The following GRIK1 variants were observed in gnomAD, a reference collection of about 807,000 sequenced individuals.
The protein encoded by GRIK1 is glutamate receptor ionotropic, kainate 1.
Under a neutral mutation model 105.7 loss-of-function variants are expected in GRIK1, and 69 were observed. That is an observed-to-expected ratio of 0.65 (90% CI 0.54 to 0.80). The LOEUF is 0.80. Ranked by LOEUF, GRIK1 falls within the 30% of genes least tolerant of loss-of-function variation. The pLI, the probability that GRIK1 is intolerant of heterozygous loss-of-function variation, is 0.00. For missense variants in GRIK1, 1,109 were observed against 1,167.3 expected (o/e 0.95, Z 0.73); for synonymous variants, 438 against 431.3 (o/e 1.02, Z -0.19).
chr21:29,645,120 C>T (rs2062591770), intron 6 of GRIK1, among the ~76,000 whole-genome samples: 1 of 152,160 alleles, frequency 6.6e-6, no homozygotes, highest in South Asian at 2.1e-4. Context: ...ATGTGCCAGG[C>T]ACTATAAGCA....
intron 1 of GRIK1, among the ~76,000 whole-genome samples, chr21:29,821,399 T>TGCTTCTTTGGAGCACTTCCA (rs1416420446): frequency 1.3e-5 from 2 of 152,092 alleles, no homozygotes; most frequent in Non-Finnish European, 2.9e-5. Context: ...GACATTTTTC[T>TGCTTCTTTGGAGCACTTCCA]GCTTCTTTGG....
At chr21:29,784,637 T>C (rs1436317423) in intron 1 of GRIK1, among the ~76,000 whole-genome samples, 1 of 152,202 alleles carries the variant, frequency 6.6e-6, no homozygotes, top group Non-Finnish European at 1.5e-5. Context: ...CTCTTTGTTT[T>C]TAATAAAAGA....
At chr21:29,926,331 C>A (rs903036086) in intron 1 of GRIK1, among the ~76,000 whole-genome samples, 11 of 152,150 alleles carry the variant, frequency 7.2e-5, no homozygotes, top group Non-Finnish European at 1.5e-4. Context: ...AGTGATTAGT[C>A]CAGTGCTTTT....
In GRIK1 at chr21:29,582,370, A is replaced by G. The variant is rs1448555576; in HGVS notation, c.1794-827T>C. 5 of 469,670 alleles carry G rather than the reference A, an allele frequency of 1.1e-5. No individual in the cohort carries two copies. In the East Asian group the frequency reaches 2.8e-4, roughly 26 times the overall value. 29.1% of individuals were successfully genotyped at this position (469,670 alleles called of 1,614,324 possible). A position where few individuals can be genotyped will look rare whatever the true frequency, so the allele number is the denominator to read the frequency against. On this transcript the variant is annotated intron_variant, in intron 12 of 17. Transcript: ENST00000327783. Reference sequence around the variant, plus strand: ...TGGTTCGGTAAGTGGTATGTTTTCTATAGCATTATTATAGGTCTACCTGCA... The same window carrying G: ...TGGTTCGGTAAGTGGTATGTTTTCTGTAGCATTATTATAGGTCTACCTGCA...
At chr21:29,614,221 A>G (rs955559407) in intron 7 of GRIK1, among the ~76,000 whole-genome samples, 8 of 152,112 alleles carry the variant, frequency 5.3e-5, no homozygotes, top group Non-Finnish European at 8.8e-5. Flanking sequence ...GGCTGTACCC[A>G]TGGCCCAGGA....
chr21:29,784,357 T>C (rs2066203394), intron 1 of GRIK1, among the ~76,000 whole-genome samples: 1 of 152,178 alleles, frequency 6.6e-6, no homozygotes, highest in Admixed American at 6.6e-5. Flanking sequence ...ATGCGTTTGG[T>C]TTTCTGACAG....
intron 6 of GRIK1, among the ~76,000 whole-genome samples, chr21:29,644,763 A>C (rs922497022): frequency 3.9e-5 from 6 of 152,224 alleles, no homozygotes; most frequent in Non-Finnish European, 8.8e-5. Flanking sequence ...AATTCTGTTT[A>C]ATTGGAGGAA....
At chr21:29,564,076 T>G (rs1013200967) in intron 14 of GRIK1, among the ~76,000 whole-genome samples, 1 of 152,250 alleles carries the variant, frequency 6.6e-6, no homozygotes, top group South Asian at 2.1e-4. Flanking sequence ...AGTTACATAT[T>G]AATATGAAAT....
At chr21:29,841,588 G>C (rs1292865508) in intron 1 of GRIK1, among the ~76,000 whole-genome samples, 1 of 152,002 alleles carries the variant, frequency 6.6e-6, no homozygotes, top group African/African-American at 2.4e-5. Flanking sequence ...TCCACATATA[G>C]TCAACATCAC....
chr21:29,664,054 T>C (rs755801780), intron 4 of GRIK1, among the ~76,000 whole-genome samples: 2 of 152,160 alleles, frequency 1.3e-5, no homozygotes, highest in Non-Finnish European at 2.9e-5. Flanking sequence ...ATTTCTTGGT[T>C]TCTGGCTGCA....
chr21:29,836,903 C>A (rs2067823691), intron 1 of GRIK1, among the ~76,000 whole-genome samples: 1 of 152,076 alleles, frequency 6.6e-6, no homozygotes, highest in African/African-American at 2.4e-5. Flanking sequence ...TCTCTAGGAG[C>A]CAAGAAAATT....
chr21:29,590,413 G>A (rs149867760), intron 10 of GRIK1, among the ~76,000 whole-genome samples: 131 of 152,272 alleles, frequency 8.6e-4, no homozygotes, highest in African/African-American at 2.8e-3. Context: ...ATAAGCAACC[G>A]GTAGCTGTAC....
chr21:29,685,395 T>C (rs2063469436), intron 3 of GRIK1, among the ~76,000 whole-genome samples: 1 of 152,138 alleles, frequency 6.6e-6, no homozygotes, highest in South Asian at 2.1e-4. Flanking sequence ...AACTATAAAG[T>C]AGGTTTTTCT....
intron 14 of GRIK1, 79 bp downstream of exon 14, chr21:29,576,885 C>CTT: frequency 3.4e-5 from 24 of 714,774 alleles, no homozygotes; most frequent in South Asian, 1.2e-4. Context: ...TTTTCTTTTT[C>CTT]TTTTTTTTTT....
intron 1 of GRIK1, among the ~76,000 whole-genome samples, chr21:29,803,666 T>A (rs938407185): frequency 6.6e-6 from 1 of 152,128 alleles, no homozygotes; most frequent in African/African-American, 2.4e-5. Flanking sequence ...CCTAACTCTG[T>A]GAATACATGG....
intron 1 of GRIK1, among the ~76,000 whole-genome samples, chr21:29,822,036 T>C (rs2067320417): frequency 6.6e-6 from 1 of 152,054 alleles, no homozygotes; most frequent in Non-Finnish European, 1.5e-5. Context: ...ACTGTACATG[T>C]ATTGGGATTC....
At chr21:29,921,218 AT>A (rs1422330593) in intron 1 of GRIK1, among the ~76,000 whole-genome samples, 2 of 150,728 alleles carry the variant, frequency 1.3e-5, no homozygotes, top group African/African-American at 4.9e-5. Flanking sequence ...GAAAAAAAAA[AT>A]GACTCGCAGT....
chr21:29,619,426 CTG>C (rs1483225732), intron 7 of GRIK1, among the ~76,000 whole-genome samples: 2 of 151,172 alleles, frequency 1.3e-5, no homozygotes, highest in African/African-American at 2.4e-5. Context: ...GACAGTGAGA[CTG>C]TCTCAAAAAA....
At chr21:29,656,085 C>T (rs936431596) in intron 4 of GRIK1, among the ~76,000 whole-genome samples, 1 of 150,848 alleles carries the variant, frequency 6.6e-6, no homozygotes, top group African/African-American at 2.4e-5. Flanking sequence ...GAGAGAAGGC[C>T]GGGTGCGGTG....
Sources: allele counts gnomAD v4.1 joint callset (sites outside exome capture counted in the v4.1 genomes callset), GRCh38; gene constraint gnomAD v4.1.1; transcripts MANE v1.5; gene names NCBI Gene and HGNC (gene_info 2026-07-23, HGNC 2026-07-21).